The following BRINP1 variants were observed in gnomAD, a reference collection of about 807,000 sequenced individuals.
BRINP1 encodes the protein BMP/retinoic acid-inducible neural-specific protein 1.
In BRINP1, 17 loss-of-function variants were observed where a neutral mutation model predicts 72.9. That is an observed-to-expected ratio of 0.23 (90% CI 0.16 to 0.35). BRINP1 has a LOEUF of 0.35. BRINP1 is among the 10% of genes least tolerant of loss of function. The probability of loss-of-function intolerance (pLI) is 1.00; values close to 1 mark genes in which losing one functional copy is unlikely to be tolerated. For missense variants in BRINP1, 850 were observed against 1,001.6 expected (o/e 0.85, Z 2.04); for synonymous variants, 418 against 378.5 (o/e 1.10, Z -1.21).
chr9:119,205,704 C>T (rs1196929044), intron 7 of BRINP1, among the ~76,000 whole-genome samples: 2 of 152,156 alleles, frequency 1.3e-5, no homozygotes, highest in African/African-American at 2.4e-5. Context: ...CTTAGCATAT[C>T]TGATGATGCT....
At chr9:119,353,782 T>G (rs1831528064) in intron 1 of BRINP1, among the ~76,000 whole-genome samples, 1 of 151,902 alleles carries the variant, frequency 6.6e-6, no homozygotes, top group African/African-American at 2.4e-5. Context: ...TGTGTTTATT[T>G]TTCAATTAAA....
At chr9:119,289,896 G>A (rs868449317) in intron 2 of BRINP1, among the ~76,000 whole-genome samples, 2 of 152,124 alleles carry the variant, frequency 1.3e-5, no homozygotes, top group Admixed American at 6.6e-5. Context: ...TCCCTAGTCC[G>A]AGTCATTATT....
At chr9:119,204,557 A>T (rs887674865) in intron 7 of BRINP1, among the ~76,000 whole-genome samples, 1 of 152,148 alleles carries the variant, frequency 6.6e-6, no homozygotes, top group South Asian at 2.1e-4. Flanking sequence ...GCTTCATAAG[A>T]CTGTAGTGAG....
chr9:119,354,909 G>A (rs180721754), intron 1 of BRINP1, among the ~76,000 whole-genome samples: 31 of 152,176 alleles, frequency 2.0e-4, no homozygotes, highest in African/African-American at 7.2e-4. Flanking sequence ...CAAATTTCCA[G>A]TTTTTATAGG....
Position 119,369,046 on chromosome 9 carries a change from G to C in BRINP1, c.-51+10C>G, listed in dbSNP as rs1831726590. ...GGGGCTGCGGGGCGCTGCACCCGGC[G>C]CCGCCTTACCTGGAGTCAATGTCCG... is the stretch of plus-strand genomic sequence containing the variant. On this transcript the variant is annotated intron_variant, in intron 1 of 7. Transcript: ENST00000265922. 3 of 394,794 alleles carry C rather than the reference G, an allele frequency of 7.6e-6. No individual in the cohort carries two copies. Among genetic ancestry groups the C allele is most frequent in the Non-Finnish European group, 8.9e-6 (2 of 224,030 alleles). 24.5% of individuals were successfully genotyped at this position (394,794 alleles called of 1,614,324 possible).
At chr9:119,340,699 C>T (rs1486143761) in intron 1 of BRINP1, among the ~76,000 whole-genome samples, 5 of 152,002 alleles carry the variant, frequency 3.3e-5, no homozygotes, top group Admixed American at 1.3e-4. Context: ...TGTTGGGAGA[C>T]GAGAAATAAA....
Position 119,208,733 on chromosome 9 carries a change from C to A in BRINP1, c.1131G>T (p.Gln377His). ...SVRCRHNPNH[Q>H]LPRERTIQQW... ...GCAACACTTACCTCTCTCTAGGCAG[C>A]TGGTGGTTGGGATTGTGGCGACAGC... Residue 377 changes from glutamine (Q) to histidine (H), a missense_variant, in exon 7 of 8, where the codon CAG becomes CAT. Gln to His is a conservative substitution (Grantham distance 24). Transcript: ENST00000265922. The A allele has an allele frequency of 6.2e-7, 1 of 1,613,076 alleles. No individual in the cohort carries two copies. Among genetic ancestry groups the A allele is most frequent in the Non-Finnish European group, 8.5e-7 (1 of 1,180,010 alleles).
At chr9:119,272,313 C>G (rs1371037346) in intron 2 of BRINP1, among the ~76,000 whole-genome samples, 1 of 152,096 alleles carries the variant, frequency 6.6e-6, no homozygotes, top group Non-Finnish European at 1.5e-5. Flanking sequence ...AAACTCCTGA[C>G]CTCAGATGAT....
At chr9:119,366,497 C>A (rs1010713910) in intron 1 of BRINP1, among the ~76,000 whole-genome samples, 1 of 141,388 alleles carries the variant, frequency 7.1e-6, no homozygotes, top group African/African-American at 2.6e-5. Flanking sequence ...GTCCTCCCCC[C>A]ACCACCGTGT....
chr9:119,249,023 G>C lies in BRINP1; in HGVS notation c.346C>G (p.Gln116Glu). 1.9e-6 allele frequency: 3 copies of C among 1,614,092 alleles called. No individual in the cohort carries two copies. The highest frequency in any genetic ancestry group is 2.5e-6 in the Non-Finnish European group (3 of 1,179,996). ...RLLGRRPTTQ[Q>E]FIDTIIKKYG... is the part of the protein sequence containing the mutation. The stretch of plus-strand genomic sequence containing the variant: ...TTTTTGATGATGGTATCGATGAACT[G>C]CTGAGTGGTAGGTCTCCTGCCAAGC... Residue 116 changes from glutamine (Q) to glutamate (E), a missense_variant, in exon 3 of 8, where the codon CAG becomes GAG. Physicochemically the swap from Gln to Glu is conservative, Grantham distance 29. Coordinates refer to ENST00000265922, the MANE Select transcript of BRINP1 (RefSeq NM_014618.3).
chr9:119,326,053 A>ATAC (rs1449518264), intron 1 of BRINP1, among the ~76,000 whole-genome samples: 1 of 152,222 alleles, frequency 6.6e-6, no homozygotes, highest in Non-Finnish European at 1.5e-5. Flanking sequence ...TACTTGCTAG[A>ATAC]TACTATGTCA....
At chr9:119,222,126 A>G (rs965536428) in intron 5 of BRINP1, among the ~76,000 whole-genome samples, 4 of 152,108 alleles carry the variant, frequency 2.6e-5, no homozygotes, top group African/African-American at 7.2e-5. Context: ...GAGCTCATCA[A>G]TCTCTCTTTT....
rs142894245 is a variant in BRINP1, at chr9:119,208,818, G to T, written c.1046C>A (p.Thr349Lys). The change falls in exon 7 of 8, where the codon ACG (threonine) becomes AAG (lysine). Residue 349 changes from threonine (T) to lysine (K), a missense_variant. Coordinates refer to ENST00000265922, the MANE Select transcript of BRINP1 (RefSeq NM_014618.3). ...QNRYKLLQSA[T>K]EAQRQKIQRT... ...TTGGATCTTTTGTCTCTGTGCCTCC[G>T]TGGCACTCTGCAGGAGCTTGTAGCG... The T allele has an allele frequency of 3.7e-6, 6 of 1,614,074 alleles. No individual in the cohort carries two copies. The highest frequency in any genetic ancestry group is 5.1e-6 in the Non-Finnish European group (6 of 1,180,048).
intron 1 of BRINP1, among the ~76,000 whole-genome samples, chr9:119,332,006 C>T (rs1449062868): frequency 1.3e-5 from 2 of 152,164 alleles, no homozygotes; most frequent in African/African-American, 4.8e-5. Context: ...TCAGCTGAGG[C>T]CATTGCTGAA....
chr9:119,367,912 CCATGGAGAGG>C (rs1394015742), intron 1 of BRINP1, among the ~76,000 whole-genome samples: 1 of 152,160 alleles, frequency 6.6e-6, no homozygotes, highest in East Asian at 1.9e-4. Context: ...TCCAGGGGAG[CCATGGAGAGG>C]CATATTTAGG....
chr9:119,284,071 C>T (rs1201091989), intron 2 of BRINP1, among the ~76,000 whole-genome samples: 2 of 152,158 alleles, frequency 1.3e-5, no homozygotes, highest in Non-Finnish European at 2.9e-5. Context: ...TTCAAATATA[C>T]ATTAACTTTG....
chr9:119,282,517 G>A (rs1479320008), intron 2 of BRINP1, among the ~76,000 whole-genome samples: 1 of 152,054 alleles, frequency 6.6e-6, no homozygotes, highest in Non-Finnish European at 1.5e-5. Context: ...GAGGGAGGAG[G>A]GGAAGAATGT....
At position 119,218,204 on chromosome 9, in the gene BRINP1, A is replaced by AT. The variant is rs139945643; in HGVS notation, c.686-4050dup. On this transcript the variant is annotated intron_variant, in intron 5 of 7. Transcript: ENST00000265922. ...GCACTCATTTGTTGATCAAATAAAT[A>AT]TTTTTTTTTTTTTTTTTTTGAGACC... 2.7e-3 allele frequency among the ~76,000 whole-genome samples: 335 copies of AT among 122,958 alleles called. 3 individuals carry two copies. The highest frequency in any genetic ancestry group is 0.019 in the Admixed American group (229 of 12,136). The allele number at this position is 122,958 out of a possible 152,430, so 80.7% of individuals were successfully genotyped here. A position where few individuals can be genotyped will look rare whatever the true frequency, so the allele number is the denominator to read the frequency against.
chr9:119,208,872 T>C lies in BRINP1; in HGVS notation c.992A>G (p.His331Arg), dbSNP rs1227896354. ...HFLTIGSIHQ[H>R]WGNDWDLQNR... is the part of the protein sequence containing the mutation. ...CTGCAGGTCCCAGTCATTGCCCCAG[T>C]GCTGATGGATGCTTCCGATGGTCAG... Residue 331 changes from histidine (H) to arginine (R), a missense_variant, in exon 7 of 8, where the codon CAC becomes CGC. Coordinates refer to ENST00000265922, the MANE Select transcript of BRINP1 (RefSeq NM_014618.3). 6.2e-7 allele frequency: 1 copy of C among 1,614,036 alleles called. No homozygotes were observed. Among genetic ancestry groups the C allele is most frequent in the Non-Finnish European group, 8.5e-7 (1 of 1,180,034 alleles).
Sources: gnomAD v4.1 joint callset for allele counts (sites outside exome capture counted in the v4.1 genomes callset) on GRCh38, gnomAD v4.1.1 for gene constraint, MANE v1.5 for transcripts, NCBI Gene and HGNC (gene_info 2026-07-23, HGNC 2026-07-21) for gene names.